DPY19L1: variants seen among roughly 807,000 people sequenced by gnomAD.
DPY19L1 encodes protein C-mannosyl-transferase DPY19L1.
Under a neutral mutation model 96.9 loss-of-function variants are expected in DPY19L1, and 35 were observed. The ratio of observed to expected loss-of-function variants is 0.36; its 90% CI spans 0.28 to 0.48. The LOEUF (loss-of-function observed/expected upper bound fraction) is 0.48. Among genes scored for constraint, DPY19L1 ranks in the 20% least tolerant of loss-of-function variants. DPY19L1 has a pLI of 0.99. For synonymous variants in DPY19L1, 205 were observed against 252.6 expected (o/e 0.81, Z 1.79); for missense variants, 521 against 777.9 (o/e 0.67, Z 3.93).
chr7:34,934,298 C>G (rs1249768450), intron 21 of DPY19L1, among the ~76,000 whole-genome samples: 1 of 152,096 alleles, frequency 6.6e-6, no homozygotes, highest in Non-Finnish European at 1.5e-5. Flanking sequence ...TCTGGAAAAC[C>G]CTGGCAGATG....
At chr7:34,968,646 T>C (rs543140264) in intron 9 of DPY19L1, among the ~76,000 whole-genome samples, 18 of 151,744 alleles carry the variant, frequency 1.2e-4, no homozygotes, top group Non-Finnish European at 2.5e-4. Flanking sequence ...GGCACGTGCC[T>C]GTAGTTCCAG....
intron 7 of DPY19L1, among the ~76,000 whole-genome samples, chr7:34,989,043 G>C (rs954836988): frequency 1.3e-5 from 2 of 152,262 alleles, no homozygotes; most frequent in Non-Finnish European, 1.5e-5. Flanking sequence ...ACTTGCTCAG[G>C]TCACAGAGCC....
rs1353401237 is a variant in DPY19L1 at position 35,018,571 on chromosome 7, C to A, written c.323+1G>T. The A allele has an allele frequency of 1.9e-6, 3 of 1,609,060 alleles. No individual in the cohort carries two copies. Among genetic ancestry groups the A allele is most frequent in the African/African-American group, 1.3e-5 (1 of 74,776 alleles). ...ACCATAGGAGAAAAAAACAATCTTA[C>A]CAGTGCAACACTGCTGCAAAAACAG... is the stretch of plus-strand genomic sequence containing the variant. On this transcript the variant is annotated splice_donor_variant, in intron 2 of 21. Coordinates refer to ENST00000638088, the MANE Select transcript of DPY19L1 (RefSeq NM_001366673.1). LOFTEE classifies it high-confidence loss of function.
At chr7:34,938,995 T>C (rs112354518) in intron 20 of DPY19L1, 10,066 of 256,194 alleles carry the variant, frequency 0.039, 275 homozygotes, top group Non-Finnish European at 0.053. Flanking sequence ...GACTTGGACA[T>C]TTTAGAGCCC....
At chr7:35,001,313 T>C (rs1247412959) in intron 6 of DPY19L1, among the ~76,000 whole-genome samples, 2 of 152,272 alleles carry the variant, frequency 1.3e-5, no homozygotes, top group South Asian at 2.1e-4. Context: ...TATGTTTTTA[T>C]TGTGCCTTTC....
chr7:34,982,475 T>C (rs561256530), intron 7 of DPY19L1, among the ~76,000 whole-genome samples: 1 of 152,280 alleles, frequency 6.6e-6, no homozygotes, highest in East Asian at 1.9e-4. Context: ...TTTCTGTAAG[T>C]TTCAATTTGT....
chr7:35,022,903 G>T (rs1441526418), intron 1 of DPY19L1, among the ~76,000 whole-genome samples: 1 of 152,124 alleles, frequency 6.6e-6, no homozygotes, highest in African/African-American at 2.4e-5. Context: ...CCCAGGTCCC[G>T]GTCCCGGACG....
At chr7:34,978,022 C>A (rs1210572134) in intron 7 of DPY19L1, among the ~76,000 whole-genome samples, 1 of 152,002 alleles carries the variant, frequency 6.6e-6, no homozygotes, top group Non-Finnish European at 1.5e-5. Flanking sequence ...AATTTTTAAT[C>A]ATTCACTGAA....
intron 10 of DPY19L1, among the ~76,000 whole-genome samples, chr7:34,960,340 C>T (rs971487917): frequency 6.6e-6 from 1 of 152,070 alleles, no homozygotes; most frequent in African/African-American, 2.4e-5. Flanking sequence ...CTTTTACATG[C>T]ATTAGCAAGT....
intron 15 of DPY19L1, among the ~76,000 whole-genome samples, chr7:34,946,736 TCA>T (rs1313210741): frequency 6.6e-6 from 1 of 152,206 alleles, no homozygotes; most frequent in Non-Finnish European, 1.5e-5. Context: ...AGCCCGAGTC[TCA>T]CTCTTCCCTT....
At chr7:34,969,318 G>A (rs1406260861) in intron 9 of DPY19L1, 115 bp downstream of exon 9, 2 of 492,134 alleles carry the variant, frequency 4.1e-6, no homozygotes, top group Non-Finnish European at 6.8e-6. Flanking sequence ...CCTAGAAAAT[G>A]TTTTAGTGTT....
intron 3 of DPY19L1, 84 bp downstream of exon 3, chr7:35,017,798 C>G: frequency 9.2e-7 from 1 of 1,091,266 alleles, no homozygotes; most frequent in East Asian, 2.7e-5. Flanking sequence ...TACTTTGGAA[C>G]ATCTTGAAAT....
chr7:35,027,737 C>G (rs1786162082), intron 1 of DPY19L1, among the ~76,000 whole-genome samples: 1 of 149,360 alleles, frequency 6.7e-6, no homozygotes, highest in Admixed American at 6.8e-5. Context: ...ACTTGGGAGG[C>G]TGAGGCAGGA....
At chr7:35,026,077 G>A (rs367555671) in intron 1 of DPY19L1, among the ~76,000 whole-genome samples, 1 of 151,954 alleles carries the variant, frequency 6.6e-6, no homozygotes, top group African/African-American at 2.4e-5. Context: ...TGAACTCCAG[G>A]ATTTTTTTTT....
At chr7:35,014,675 T>C (rs1180062606) in intron 3 of DPY19L1, among the ~76,000 whole-genome samples, 1 of 152,206 alleles carries the variant, frequency 6.6e-6, no homozygotes, top group Non-Finnish European at 1.5e-5. Flanking sequence ...TTTAAAATTA[T>C]GTTTCCTTGT....
chr7:34,993,765 T>C (rs2128673297), intron 6 of DPY19L1, among the ~76,000 whole-genome samples: 1 of 152,162 alleles, frequency 6.6e-6, no homozygotes, highest in Non-Finnish European at 1.5e-5. Flanking sequence ...TTCCTTTAAA[T>C]AAAAATGTTT....
At chr7:35,027,751 T>C (rs1228222746) in intron 1 of DPY19L1, among the ~76,000 whole-genome samples, 1 of 149,614 alleles carries the variant, frequency 6.7e-6, no homozygotes, top group Non-Finnish European at 1.5e-5. Flanking sequence ...GGCAGGAGAA[T>C]CGCTTGAACT....
chr7:35,019,916 C>T (rs1024322361), intron 1 of DPY19L1, among the ~76,000 whole-genome samples: 5 of 152,088 alleles, frequency 3.3e-5, no homozygotes, highest in African/African-American at 9.7e-5. Flanking sequence ...CCCAGCTACT[C>T]GGCTGGAGGA....
intron 7 of DPY19L1, among the ~76,000 whole-genome samples, chr7:34,980,653 G>A (rs1784921059): frequency 6.6e-6 from 1 of 152,126 alleles, no homozygotes; most frequent in Non-Finnish European, 1.5e-5. Context: ...TTAAACAAAA[G>A]AGAGTATCTA....
Sources: allele counts gnomAD v4.1 joint callset (sites outside exome capture counted in the v4.1 genomes callset), GRCh38; gene constraint gnomAD v4.1.1; transcripts MANE v1.5; gene names NCBI Gene and HGNC (gene_info 2026-07-23, HGNC 2026-07-21).